Variants in RNGTT observed in about 807,000 individuals in gnomAD.
RNGTT encodes the protein mRNA-capping enzyme.
In RNGTT, 33 loss-of-function variants were observed where a neutral mutation model predicts 79.3. That is an observed-to-expected ratio of 0.42 (90% confidence interval 0.32 to 0.56). The LOEUF (loss-of-function observed/expected upper bound fraction) is 0.56, where lower values mean the gene tolerates loss of function less well. RNGTT is among the 20% of genes least tolerant of loss of function. The pLI is 0.17. For missense variants in RNGTT, 497 were observed against 739.1 expected, an observed-to-expected ratio of 0.67 and a Z score of 3.80; for synonymous variants, 222 against 235.9, an observed-to-expected ratio of 0.94 and a Z score of 0.54.
At chr6:88,879,276 C>G (rs1379777361) in intron 8 of RNGTT, among the ~76,000 whole-genome samples, 21 of 152,138 alleles carry the variant, frequency 1.4e-4, no homozygotes, top group Non-Finnish European at 2.9e-5. Context: ...CGCCTGTAGT[C>G]CCAGCTACTC....
chr6:88,796,063 T>G (rs574122842), intron 12 of RNGTT, among the ~76,000 whole-genome samples: 140 of 152,336 alleles, frequency 9.2e-4, no homozygotes, highest in Non-Finnish European at 1.6e-3. Context: ...ACTTGAACAG[T>G]GGCAAGTCCA....
intron 14 of RNGTT, among the ~76,000 whole-genome samples, chr6:88,619,470 T>C (rs964489382): frequency 1.3e-4 from 20 of 152,084 alleles, no homozygotes; most frequent in Admixed American, 7.9e-4. Flanking sequence ...ACCCAGCCCA[T>C]TGGGGATTTT....
chr6:88,679,579 A>G (rs1775011811), intron 13 of RNGTT, among the ~76,000 whole-genome samples: 1 of 152,216 alleles, frequency 6.6e-6, no homozygotes, highest in Admixed American at 6.5e-5. Context: ...GAGGTCTAAT[A>G]TAAAAAAATG....
chr6:88,898,057 T>C (rs1451589536), intron 6 of RNGTT, among the ~76,000 whole-genome samples: 5 of 152,114 alleles, frequency 3.3e-5, no homozygotes, highest in African/African-American at 1.2e-4. Context: ...CCTTAGTACG[T>C]TGCTGTATAA....
At chr6:88,676,816 G>A (rs941887171) in intron 14 of RNGTT, among the ~76,000 whole-genome samples, 1 of 152,124 alleles carries the variant, frequency 6.6e-6, no homozygotes, top group African/African-American at 2.4e-5. Flanking sequence ...AGATTCAGAT[G>A]GAAAAAAAGT....
intron 8 of RNGTT, among the ~76,000 whole-genome samples, chr6:88,864,174 C>T (rs1232096951): frequency 6.6e-6 from 1 of 152,104 alleles, no homozygotes; most frequent in African/African-American, 2.4e-5. Context: ...AGTCAAAGCA[C>T]TCTATCACTC....
chr6:88,788,453 C>A (rs1388536407), intron 12 of RNGTT, among the ~76,000 whole-genome samples: 4 of 152,038 alleles, frequency 2.6e-5, no homozygotes, highest in Non-Finnish European at 5.9e-5. Flanking sequence ...GCTAAATGAT[C>A]CAGTAAAAAA....
chr6:88,742,415 A>G (rs1005869057), intron 13 of RNGTT, among the ~76,000 whole-genome samples: 2 of 152,244 alleles, frequency 1.3e-5, no homozygotes, highest in African/African-American at 2.4e-5. Flanking sequence ...TATCTGTTTC[A>G]AAAATTATTT....
chr6:88,910,704 G>A (rs1397531080), intron 4 of RNGTT, among the ~76,000 whole-genome samples: 1 of 152,072 alleles, frequency 6.6e-6, no homozygotes. Flanking sequence ...ACTTTCCAAG[G>A]TCTATGTAAA....
At chr6:88,925,166 A>G (rs1459206175) in intron 4 of RNGTT, among the ~76,000 whole-genome samples, 1 of 151,442 alleles carries the variant, frequency 6.6e-6, no homozygotes, top group Non-Finnish European at 1.5e-5. Context: ...CAGTGACAAG[A>G]AAAAAAAAGA....
At chr6:88,728,123 G>C (rs909412052) in intron 13 of RNGTT, among the ~76,000 whole-genome samples, 16 of 152,132 alleles carry the variant, frequency 1.1e-4, no homozygotes, top group Admixed American at 1.3e-4. Flanking sequence ...CCAAACTAAA[G>C]CTAAGAAAAA....
chr6:88,703,831 G>A (rs1368085545), intron 13 of RNGTT, among the ~76,000 whole-genome samples: 1 of 152,136 alleles, frequency 6.6e-6, no homozygotes. Flanking sequence ...TAGATTATTA[G>A]GTACCTTGTT....
intron 1 of RNGTT, among the ~76,000 whole-genome samples, chr6:88,962,755 A>T (rs1785679136): frequency 1.3e-5 from 2 of 151,886 alleles, no homozygotes; most frequent in Non-Finnish European, 2.9e-5. Flanking sequence ...CATTATAAAT[A>T]TATATATACT....
chr6:88,871,558 A>G (rs1026599117), intron 8 of RNGTT, among the ~76,000 whole-genome samples: 4 of 152,154 alleles, frequency 2.6e-5, no homozygotes, highest in Non-Finnish European at 4.4e-5. Context: ...TAGATTATAA[A>G]CAGACTACTA....
intron 11 of RNGTT, among the ~76,000 whole-genome samples, chr6:88,836,176 T>C (rs1420013107): frequency 2.0e-5 from 3 of 150,794 alleles, no homozygotes; most frequent in Non-Finnish European, 4.4e-5. Context: ...TTCTCTTTAG[T>C]ATGCATTATA....
intron 13 of RNGTT, among the ~76,000 whole-genome samples, chr6:88,719,572 T>C (rs1776636013): frequency 1.3e-5 from 2 of 152,234 alleles, no homozygotes; most frequent in Admixed American, 1.3e-4. Flanking sequence ...ATATTTATTA[T>C]TGCAACTTCC....
At chr6:88,683,519 A>T (rs1775165479) in intron 13 of RNGTT, among the ~76,000 whole-genome samples, 2 of 152,168 alleles carry the variant, frequency 1.3e-5, no homozygotes, top group African/African-American at 2.4e-5. Context: ...ATTACACACA[A>T]ATTTTTCCAG....
intron 11 of RNGTT, among the ~76,000 whole-genome samples, chr6:88,836,141 T>C (rs908933270): frequency 6.7e-6 from 1 of 150,202 alleles, no homozygotes; most frequent in Non-Finnish European, 1.5e-5. Context: ...AATAAATCTT[T>C]AGGTTCACCA....
intron 13 of RNGTT, among the ~76,000 whole-genome samples, chr6:88,681,919 A>G (rs555026732): frequency 6.6e-6 from 1 of 152,312 alleles, no homozygotes; most frequent in African/African-American, 2.4e-5. Context: ...TGTTGGACAA[A>G]AACAATTTAT....
Sources: allele counts gnomAD v4.1 joint callset (sites outside exome capture counted in the v4.1 genomes callset), GRCh38; gene constraint gnomAD v4.1.1; transcripts MANE v1.5; gene names NCBI Gene and HGNC (gene_info 2026-07-23, HGNC 2026-07-21).